LRRC7: variants seen among roughly 807,000 people sequenced by gnomAD.
The protein encoded by LRRC7 is leucine rich repeat containing 7.
In LRRC7, 23 loss-of-function variants were observed where a neutral mutation model predicts 175.7. The observed-to-expected ratio is 0.13, with a 90% CI of 0.09 to 0.19. The LOEUF (loss-of-function observed/expected upper bound fraction) is 0.19. LRRC7 is among the 10% of genes least tolerant of loss of function. LRRC7 has a pLI of 1.00. For missense variants in LRRC7, 1,354 were observed against 1,904.7 expected (o/e 0.71, Z 5.38); for synonymous variants, 685 against 680.9 (o/e 1.01, Z -0.09).
intron 2 of LRRC7, among the ~76,000 whole-genome samples, chr1:69,708,564 T>C (rs895506213): frequency 9.2e-5 from 14 of 152,218 alleles, no homozygotes; most frequent in Admixed American, 5.2e-4. Flanking sequence ...ATAGTGTGTA[T>C]ATCAATAACA....
At chr1:69,927,608 G>T (rs1221246101) in intron 7 of LRRC7, among the ~76,000 whole-genome samples, 1 of 151,968 alleles carries the variant, frequency 6.6e-6, no homozygotes, top group African/African-American at 2.4e-5. Flanking sequence ...ATCGGCTCTT[G>T]AGGCTTCTGC....
Position 69,887,183 on chromosome 1 carries a change from A to T in LRRC7, c.648-44324A>T, listed in dbSNP as rs1199352277. 3.2e-4 allele frequency among the ~76,000 whole-genome samples: 40 copies of T among 123,894 alleles called. 1 individual carries two copies. The highest frequency in any genetic ancestry group is 3.7e-3 in the Middle Eastern group (1 of 268). The allele number at this position is 123,894 out of a possible 152,430, so 81.3% of individuals were successfully genotyped here. A position where few individuals can be genotyped will look rare whatever the true frequency, so the allele number is the denominator to read the frequency against. ...TTGGCCTGCCTTGCTAGATTGGGGA[A>T]GTTCTCCTGGATAATATCCTGCAGA... On this transcript the variant is annotated intron_variant, in intron 7 of 26. Transcript: ENST00000651989.
At chr1:70,034,435 G>A (rs949412678) in intron 18 of LRRC7, among the ~76,000 whole-genome samples, 3 of 152,044 alleles carry the variant, frequency 2.0e-5, no homozygotes, top group Admixed American at 6.6e-5. Context: ...TGTGAAGCCC[G>A]TGTGAAAAAT....
At chr1:69,586,528 T>A (rs779387370) in intron 1 of LRRC7, among the ~76,000 whole-genome samples, 9 of 152,020 alleles carry the variant, frequency 5.9e-5, no homozygotes, top group Non-Finnish European at 1.3e-4. Flanking sequence ...CAGCAGGGAC[T>A]CGCCAGCAGC....
chr1:69,721,913 T>C (rs1666396728), intron 2 of LRRC7, among the ~76,000 whole-genome samples: 1 of 152,016 alleles, frequency 6.6e-6, no homozygotes, highest in East Asian at 1.9e-4. Flanking sequence ...TATACTTCAG[T>C]GGCATTAAGT....
intron 23 of LRRC7, among the ~76,000 whole-genome samples, chr1:70,070,462 T>C: frequency 6.6e-6 from 1 of 152,220 alleles, no homozygotes; most frequent in East Asian, 1.9e-4. Flanking sequence ...TGTCTTTTTT[T>C]ATTTGGTTTG....
chr1:69,911,351 T>A (rs745840636), intron 7 of LRRC7, among the ~76,000 whole-genome samples: 11 of 152,166 alleles, frequency 7.2e-5, no homozygotes, highest in Non-Finnish European at 1.5e-4. Context: ...CTCCACCCTG[T>A]TGTAAGTTCT....
intron 11 of LRRC7, among the ~76,000 whole-genome samples, chr1:70,001,473 T>G (rs1231188489): frequency 1.3e-5 from 2 of 152,244 alleles, no homozygotes; most frequent in Non-Finnish European, 2.9e-5. Context: ...ATCTTAAAAG[T>G]ATTAAAAAGT....
rs1170357012 is a variant in LRRC7, at chr1:70,129,371, C to A, written c.*7484C>A. On this transcript the variant is annotated 3_prime_UTR_variant, in exon 27 of 27. Transcript: ENST00000651989. ...CCTTGCTAGACAAGATAAATAGCAA[C>A]CAGAATCTCTTGAATCTCTGGAAGA... Among the ~76,000 whole-genome samples, 1 of 152,024 alleles carries A rather than the reference C, an allele frequency of 6.6e-6. No individual in the cohort carries two copies. Among genetic ancestry groups the A allele is most frequent in the Non-Finnish European group, 1.5e-5 (1 of 68,014 alleles).
chr1:69,621,885 T>C (rs1256249169), intron 1 of LRRC7, among the ~76,000 whole-genome samples: 1 of 152,226 alleles, frequency 6.6e-6, no homozygotes, highest in African/African-American at 2.4e-5. Context: ...TGCTTTTGAT[T>C]CTTCAATGTC....
chr1:69,956,253 A>G (rs1217660067), intron 8 of LRRC7, among the ~76,000 whole-genome samples: 4 of 151,918 alleles, frequency 2.6e-5, no homozygotes, highest in African/African-American at 4.8e-5. Flanking sequence ...AACTCTGGAT[A>G]TATATCTCTG....
At chr1:69,671,822 G>C (rs1007908162) in intron 1 of LRRC7, among the ~76,000 whole-genome samples, 8 of 152,154 alleles carry the variant, frequency 5.3e-5, no homozygotes, top group Non-Finnish European at 1.5e-5. Context: ...TGCAACGGCT[G>C]CATTCATCCT....
At chr1:70,091,911 G>C (rs1297748176) in intron 25 of LRRC7, among the ~76,000 whole-genome samples, 1 of 152,036 alleles carries the variant, frequency 6.6e-6, no homozygotes, top group Non-Finnish European at 1.5e-5. Flanking sequence ...AAATTGGTGG[G>C]AGCAACTAGG....
At chr1:69,792,496 T>C (rs1202397646) in intron 4 of LRRC7, among the ~76,000 whole-genome samples, 1 of 152,024 alleles carries the variant, frequency 6.6e-6, no homozygotes, top group East Asian at 1.9e-4. Flanking sequence ...AAATATCACC[T>C]GCATAACAAG....
At chr1:69,592,542 G>A (rs1646680687) in intron 1 of LRRC7, among the ~76,000 whole-genome samples, 1 of 152,006 alleles carries the variant, frequency 6.6e-6, no homozygotes, top group African/African-American at 2.4e-5. Context: ...TCTAGCTGGC[G>A]AAGATCGCCT....
At chr1:69,641,739 T>A (rs61782244) in intron 1 of LRRC7, among the ~76,000 whole-genome samples, 4 of 151,384 alleles carry the variant, frequency 2.6e-5, no homozygotes, top group Admixed American at 6.6e-5. Context: ...TTTTTAGAAC[T>A]TAAACAAATT....
rs1666728916 is a variant in LRRC7 at position 70,132,822 on chromosome 1, G to A, written c.*10935G>A. Among the ~76,000 whole-genome samples the A allele has an allele frequency of 6.6e-6, 1 of 152,070 alleles. No homozygotes were observed. The highest frequency in any genetic ancestry group is 2.4e-5 in the African/African-American group (1 of 41,406). On this transcript the variant is annotated 3_prime_UTR_variant, in exon 27 of 27. Transcript: ENST00000651989. ...TCAGACAGTGTGGCTACAGGTAAAAGCTCTGTGGAGAAAGGAGCAAAATTA... is the reference window on the plus strand; with the variant it reads ...TCAGACAGTGTGGCTACAGGTAAAAACTCTGTGGAGAAAGGAGCAAAATTA...
intron 1 of LRRC7, among the ~76,000 whole-genome samples, chr1:69,592,541 C>A (rs576296159): frequency 6.6e-6 from 1 of 151,936 alleles, no homozygotes; most frequent in African/African-American, 2.4e-5. Context: ...ATCTAGCTGG[C>A]GAAGATCGCC....
At chr1:69,700,455 C>A (rs1663197401) in intron 2 of LRRC7, among the ~76,000 whole-genome samples, 1 of 152,140 alleles carries the variant, frequency 6.6e-6, no homozygotes, top group Admixed American at 6.6e-5. Flanking sequence ...TATTTTAACA[C>A]CCTGTAATAC....
Sources: gnomAD v4.1 joint callset for allele counts (sites outside exome capture counted in the v4.1 genomes callset) on GRCh38, gnomAD v4.1.1 for gene constraint, MANE v1.5 for transcripts, NCBI Gene and HGNC (gene_info 2026-07-23, HGNC 2026-07-21) for gene names.